Variants in DGKE observed in about 807,000 individuals in gnomAD.
The protein encoded by DGKE is DAG kinase epsilon.
Under a neutral mutation model 70.0 loss-of-function variants are expected in DGKE, and 53 were observed. That is an observed-to-expected ratio of 0.76 (90% CI 0.61 to 0.95). The LOEUF (loss-of-function observed/expected upper bound fraction) is 0.95. Among genes scored for constraint, DGKE ranks in the 40% least tolerant of loss-of-function variants. DGKE has a pLI of 0.00. For missense variants in DGKE, 655 were observed against 706.9 expected, an observed-to-expected ratio of 0.93 and a Z score of 0.83; for synonymous variants, 291 against 257.0, an observed-to-expected ratio of 1.13 and a Z score of -1.27.
intron 2 of DGKE, chr17:56,835,779 G>C (rs1023572344): frequency 3.8e-5 from 6 of 157,772 alleles, no homozygotes; most frequent in Admixed American, 3.2e-4. Flanking sequence ...AACACTGAAA[G>C]GAATATTCCT....
In DGKE at chr17:56,867,755, C is replaced by T; in HGVS notation, c.*4964C>T. The T allele has an allele frequency of 6.6e-6, 1 of 152,292 alleles. No individual in the cohort carries two copies. The highest frequency in any genetic ancestry group is 1.5e-5 in the Non-Finnish European group (1 of 68,136). The allele number at this position is 152,292 out of a possible 1,614,324, so 9.4% of individuals were successfully genotyped here. A position where few individuals can be genotyped will look rare whatever the true frequency, so the allele number is the denominator to read the frequency against. On this transcript the variant is annotated 3_prime_UTR_variant, in exon 12 of 12. Transcript: ENST00000284061. Reference sequence around the variant, plus strand: ...CTAAAAATCCAAAAATTTAGCCGGGCATGGTGGCGGGCACCTGTAGTCCCA... The same window carrying T: ...CTAAAAATCCAAAAATTTAGCCGGGTATGGTGGCGGGCACCTGTAGTCCCA...
intron 9 of DGKE, among the ~76,000 whole-genome samples, 173 bp from the exon 10 acceptor site, chr17:56,861,618 A>G (rs935684477): frequency 2.0e-5 from 3 of 152,234 alleles, no homozygotes; most frequent in South Asian, 2.1e-4. Context: ...AAGCAGTTCT[A>G]CTGAAGAGAT....
intron 2 of DGKE, chr17:56,835,497 CTT>C: frequency 1.8e-6 from 1 of 547,392 alleles, no homozygotes; most frequent in South Asian, 2.7e-5. Context: ...GGTAATAAAA[CTT>C]GGCTCCTAAC....
At chr17:56,854,634 T>A (rs1188023761) in intron 7 of DGKE, among the ~76,000 whole-genome samples, 1 of 152,098 alleles carries the variant, frequency 6.6e-6, no homozygotes, top group Non-Finnish European at 1.5e-5. Flanking sequence ...GGATTTTAGA[T>A]GTTCTCACCA....
At chr17:56,834,381 T>G in intron 1 of DGKE, 121 bp downstream of exon 1, 1 of 171,162 alleles carries the variant, frequency 5.8e-6, no homozygotes, top group South Asian at 1.6e-4. Context: ...CGGAGGGGAG[T>G]GCGAGGCCTG....
At position 56,844,109 on chromosome 17, in the gene DGKE, A is replaced by C. The variant is rs761530698; in HGVS notation, c.555A>C (p.Leu185=). 6.3e-7 allele frequency: 1 copy of C among 1,588,452 alleles called. No individual in the cohort carries two copies. The highest frequency in any genetic ancestry group is 1.2e-5 in the South Asian group (1 of 86,248). ...EKCDFGEFKN[L]IIPPSYLTSI... is the part of the protein sequence containing the mutation. ...GTGATTTTGGAGAATTCAAAAACCT[A>C]ATCATTCCACCAAGTTATTTAACAT... is the stretch of plus-strand genomic sequence containing the variant. The change falls in exon 3 of 12, where the codon CTA becomes CTC. Residue 185 remains leucine, a synonymous_variant. Transcript: ENST00000284061.
Position 56,866,167 on chromosome 17 carries a change from T to G in DGKE, c.*3376T>G, listed in dbSNP as rs551422284. The G allele has an allele frequency of 1.6e-4, 25 of 152,322 alleles. No individual in the cohort carries two copies. Among genetic ancestry groups the G allele is most frequent in the Middle Eastern group, 3.4e-3 (1 of 294 alleles). 9.4% of individuals were successfully genotyped at this position (152,322 alleles called of 1,614,324 possible). A position where few individuals can be genotyped will look rare whatever the true frequency, so the allele number is the denominator to read the frequency against. The stretch of plus-strand genomic sequence containing the variant: ...GTTTGGGTTTTGCTTTTAAACAGTG[T>G]CCCCCTGTCTTTTTCAATTTTTCCC... On this transcript the variant is annotated 3_prime_UTR_variant, in exon 12 of 12. Transcript: ENST00000284061.
chr17:56,852,170 T>G (rs960976178), intron 7 of DGKE, among the ~76,000 whole-genome samples: 5 of 152,118 alleles, frequency 3.3e-5, no homozygotes, highest in African/African-American at 1.2e-4. Flanking sequence ...CCCAGCACTC[T>G]GGGAGGCTGA....
intron 7 of DGKE, among the ~76,000 whole-genome samples, chr17:56,854,457 T>C (rs562943107): frequency 2.0e-5 from 3 of 152,116 alleles, no homozygotes; most frequent in East Asian, 3.9e-4. Context: ...TACAGGCACA[T>C]GCCACCACAC....
intron 2 of DGKE, among the ~76,000 whole-genome samples, chr17:56,838,310 A>C (rs1276121621): frequency 6.6e-6 from 1 of 152,190 alleles, no homozygotes; most frequent in Non-Finnish European, 1.5e-5. Context: ...CATTTCATTA[A>C]TTATCTGAAA....
At chr17:56,858,303 A>C (rs573275321) in intron 8 of DGKE, among the ~76,000 whole-genome samples, 291 of 152,294 alleles carry the variant, frequency 1.9e-3, no homozygotes, top group Admixed American at 4.9e-3. Context: ...GTAATATGTT[A>C]AAGGCATTTT....
At position 56,863,802 on chromosome 17, in the gene DGKE, A is replaced by T. The variant is rs899684210; in HGVS notation, c.*1011A>T. Reference sequence around the variant, plus strand: ...ATATTTATTTTAAAATGAGAGAGATATATTTTTAAATTATTTATTATTTAC... The same window carrying T: ...ATATTTATTTTAAAATGAGAGAGATTTATTTTTAAATTATTTATTATTTAC... On this transcript the variant is annotated 3_prime_UTR_variant, in exon 12 of 12. Transcript: ENST00000284061. 13 of 152,180 alleles carry T rather than the reference A, an allele frequency of 8.5e-5. No homozygotes were observed. The highest frequency in any genetic ancestry group is 2.9e-4 in the African/African-American group (12 of 41,452). 9.4% of individuals were successfully genotyped at this position (152,180 alleles called of 1,614,324 possible).
At chr17:56,855,890 CA>C (rs936348070) in intron 7 of DGKE, among the ~76,000 whole-genome samples, 2 of 151,252 alleles carry the variant, frequency 1.3e-5, no homozygotes, top group Admixed American at 1.3e-4. Context: ...CCTGTAATCC[CA>C]GCTACTCAGG....
rs1908380575 is a variant in DGKE at position 56,862,900 on chromosome 17, T to G, written c.*109T>G. 5.2e-6 allele frequency: 5 copies of G among 956,664 alleles called. No individual in the cohort carries two copies. The Admixed American group carries it at 1.9e-4, about 37-fold the overall frequency. 59.3% of individuals were successfully genotyped at this position (956,664 alleles called of 1,614,324 possible). A position where few individuals can be genotyped will look rare whatever the true frequency, so the allele number is the denominator to read the frequency against. On this transcript the variant is annotated 3_prime_UTR_variant, in exon 12 of 12. Coordinates refer to ENST00000284061, the MANE Select transcript of DGKE (RefSeq NM_003647.3). ...ATCAGCTATTCAGTCTTAATTTCAC[T>G]AGTAGTATAATGGGTATACATTTTT...
intron 9 of DGKE, 103 bp from the exon 10 acceptor site, chr17:56,861,686 ATC>A (rs1908300446): frequency 6.8e-7 from 1 of 1,460,300 alleles, no homozygotes; most frequent in Non-Finnish European, 9.3e-7. Context: ...CTACATGTGC[ATC>A]TCTCATATAT....
At chr17:56,852,023 A>G (rs935134327) in intron 7 of DGKE, among the ~76,000 whole-genome samples, 18 of 152,090 alleles carry the variant, frequency 1.2e-4, no homozygotes, top group African/African-American at 4.3e-4. Context: ...AGCTATCATC[A>G]CGCCACTGCA....
chr17:56,847,864 A>T, intron 4 of DGKE, 58 bp from the exon 5 acceptor site: 1 of 1,294,970 alleles, frequency 7.7e-7, no homozygotes, highest in Non-Finnish European at 1.0e-6. Context: ...GGAAATCATC[A>T]TTACAGATGA....
rs1210724719 is a variant in DGKE, at chr17:56,865,301, C to T, written c.*2510C>T. 3 of 152,140 alleles carry T rather than the reference C, an allele frequency of 2.0e-5. No individual in the cohort carries two copies. Among genetic ancestry groups the T allele is most frequent in the Non-Finnish European group, 4.4e-5 (3 of 68,006 alleles). The allele number at this position is 152,140 out of a possible 1,614,324, so 9.4% of individuals were successfully genotyped here. A position where few individuals can be genotyped will look rare whatever the true frequency, so the allele number is the denominator to read the frequency against. On this transcript the variant is annotated 3_prime_UTR_variant, in exon 12 of 12. Coordinates refer to ENST00000284061, the MANE Select transcript of DGKE (RefSeq NM_003647.3). ...TTGATATTTAAAAAAATAACTTCTACATTCTCAGGAAGAAATACATGAAGT... is the reference window on the plus strand; with the variant it reads ...TTGATATTTAAAAAAATAACTTCTATATTCTCAGGAAGAAATACATGAAGT...
chr17:56,856,744 G>T, intron 8 of DGKE, 119 bp downstream of exon 8: 3 of 1,273,578 alleles, frequency 2.4e-6, no homozygotes, highest in Admixed American at 3.0e-5. Flanking sequence ...ATATTTACCT[G>T]CTCTGTTTTG....
Sources: allele counts gnomAD v4.1 joint callset (sites outside exome capture counted in the v4.1 genomes callset), GRCh38; gene constraint gnomAD v4.1.1; transcripts MANE v1.5; gene names NCBI Gene and HGNC (gene_info 2026-07-23, HGNC 2026-07-21).